Variants in SLIT3 observed in about 807,000 individuals in gnomAD.
SLIT3 encodes slit homolog 3 protein.
Under a neutral mutation model 184.0 loss-of-function variants are expected in SLIT3, and 68 were observed. That is an observed-to-expected ratio of 0.37 (90% confidence interval 0.30 to 0.45). The LOEUF (loss-of-function observed/expected upper bound fraction) is 0.45. SLIT3 is among the 20% of genes least tolerant of loss of function. The pLI is 1.00. For missense variants in SLIT3, 1,707 were observed against 2,026.0 expected, an observed-to-expected ratio of 0.84 and a Z score of 3.02; for synonymous variants, 831 against 828.6, an observed-to-expected ratio of 1.00 and a Z score of -0.05.
intron 4 of SLIT3, among the ~76,000 whole-genome samples, chr5:169,068,918 G>T (rs545637099): frequency 2.6e-4 from 39 of 152,160 alleles, no homozygotes; most frequent in Admixed American, 1.7e-3. Context: ...TGACTTAGTG[G>T]CAATTAAATT....
At chr5:169,068,259 C>T (rs1758424206) in intron 4 of SLIT3, among the ~76,000 whole-genome samples, 1 of 152,112 alleles carries the variant, frequency 6.6e-6, no homozygotes, top group Non-Finnish European at 1.5e-5. Context: ...GTTAATATAA[C>T]ATTTCTTCAC....
intron 16 of SLIT3, 55 bp from the exon 17 acceptor site, chr5:168,754,062 C>G: frequency 2.6e-6 from 4 of 1,509,782 alleles, no homozygotes; most frequent in South Asian, 1.2e-5. Context: ...GGTCTTGATG[C>G]CGGGAGGGGA....
In SLIT3 at chr5:168,663,724, T is replaced by G. The variant is rs1379073745; in HGVS notation, c.*2730A>C. 1 of 152,222 alleles carries G rather than the reference T, an allele frequency of 6.6e-6. No individual in the cohort carries two copies. Among genetic ancestry groups the G allele is most frequent in the Non-Finnish European group, 1.5e-5 (1 of 68,076 alleles). 9.4% of individuals were successfully genotyped at this position (152,222 alleles called of 1,614,324 possible). On this transcript the variant is annotated 3_prime_UTR_variant, in exon 36 of 36. Coordinates refer to ENST00000519560, the MANE Select transcript of SLIT3 (RefSeq NM_003062.4). ...CAAGCCAGGCCTGGCCATATCTCAT[T>G]GCTTTTTAAAAGGCCACTCCCAGGA... is the stretch of plus-strand genomic sequence containing the variant.
intron 4 of SLIT3, among the ~76,000 whole-genome samples, chr5:168,984,165 A>G (rs1581268113): frequency 6.6e-6 from 1 of 152,326 alleles, no homozygotes; most frequent in East Asian, 1.9e-4. Flanking sequence ...GAAACTGAGT[A>G]CCATAAAATT....
intron 20 of SLIT3, among the ~76,000 whole-genome samples, chr5:168,744,705 C>G (rs865825298): frequency 2.6e-4 from 39 of 152,300 alleles, no homozygotes; most frequent in African/African-American, 9.1e-4. Context: ...CTGTTTATGG[C>G]ATATTTTGCT....
intron 6 of SLIT3, among the ~76,000 whole-genome samples, chr5:168,824,928 C>T (rs2113673115): frequency 6.6e-6 from 1 of 152,368 alleles, no homozygotes. Flanking sequence ...ATGCCCTCTA[C>T]ATCATACGTC....
chr5:168,713,436 C>A (rs1165800325), intron 23 of SLIT3, among the ~76,000 whole-genome samples: 1 of 152,246 alleles, frequency 6.6e-6, no homozygotes, highest in Non-Finnish European at 1.5e-5. Context: ...GGATTATATT[C>A]TCCATTAAAG....
At chr5:168,859,149 C>T (rs1252117878) in intron 5 of SLIT3, among the ~76,000 whole-genome samples, 1 of 152,174 alleles carries the variant, frequency 6.6e-6, no homozygotes, top group African/African-American at 2.4e-5. Context: ...TTCCTTGGGT[C>T]AGCACTGCGG....
At chr5:168,942,985 A>G (rs1762373365) in intron 4 of SLIT3, among the ~76,000 whole-genome samples, 1 of 152,230 alleles carries the variant, frequency 6.6e-6, no homozygotes, top group South Asian at 2.1e-4. Flanking sequence ...TTTAGAGCTC[A>G]GATTTATCAG....
intron 4 of SLIT3, among the ~76,000 whole-genome samples, chr5:169,183,133 T>A (rs2113446953): frequency 6.6e-6 from 1 of 152,242 alleles, no homozygotes; most frequent in East Asian, 1.9e-4. Flanking sequence ...CACATTGGAG[T>A]GACACACACA....
Position 168,708,069 on chromosome 5 carries a change from G to A in SLIT3, c.2751C>T (p.Cys917=). 1 of 1,614,200 alleles carries A rather than the reference G, an allele frequency of 6.2e-7. No individual in the cohort carries two copies. The highest frequency in any genetic ancestry group is 8.5e-7 in the Non-Finnish European group (1 of 1,180,030). ...GPVDINIVAK[C]NACLSSPCKN... ...TGCACGGGCTGGAGAGGCAGGCATT[G>A]CATTTGGCCACAATGTTGATGTCCA... The change falls in exon 26 of 36, where the codon TGC becomes TGT. Residue 917 remains cysteine (C), a synonymous_variant. Coordinates refer to ENST00000519560, the MANE Select transcript of SLIT3 (RefSeq NM_003062.4).
intron 4 of SLIT3, among the ~76,000 whole-genome samples, chr5:169,178,261 G>A (rs1315270172): frequency 5.3e-5 from 8 of 152,196 alleles, no homozygotes; most frequent in African/African-American, 1.9e-4. Flanking sequence ...TCACGGCTAA[G>A]GTAAGCAGGT....
intron 3 of SLIT3, among the ~76,000 whole-genome samples, chr5:169,195,188 C>T (rs1298911113): frequency 2.0e-5 from 3 of 152,118 alleles, no homozygotes; most frequent in Middle Eastern, 3.2e-3. Flanking sequence ...AAAGCCCTGG[C>T]CCCCTTCCCC....
intron 4 of SLIT3, among the ~76,000 whole-genome samples, chr5:169,040,242 CA>C (rs1757403702): frequency 6.6e-6 from 1 of 152,160 alleles, no homozygotes; most frequent in African/African-American, 2.4e-5. Flanking sequence ...CATGTTTACA[CA>C]ACTTTAATAC....
chr5:169,227,841 G>A (rs916052615), intron 3 of SLIT3, among the ~76,000 whole-genome samples: 7 of 152,232 alleles, frequency 4.6e-5, no homozygotes, highest in African/African-American at 1.7e-4. Flanking sequence ...CTGCACAGCT[G>A]GCAGAGGAGG....
chr5:169,126,828 T>A (rs1481815651), intron 4 of SLIT3, among the ~76,000 whole-genome samples: 1 of 152,182 alleles, frequency 6.6e-6, no homozygotes, highest in Non-Finnish European at 1.5e-5. Context: ...CAGATGGGGA[T>A]CACTTCAAAC....
chr5:168,802,879 G>A (rs1756818335), intron 9 of SLIT3, among the ~76,000 whole-genome samples: 1 of 152,232 alleles, frequency 6.6e-6, no homozygotes, highest in Non-Finnish European at 1.5e-5. Context: ...AACCAGTAAG[G>A]AGGTGCCATT....
intron 23 of SLIT3, among the ~76,000 whole-genome samples, chr5:168,716,071 G>A (rs1429309546): frequency 4.6e-5 from 7 of 152,174 alleles, no homozygotes; most frequent in African/African-American, 1.7e-4. Context: ...GGGTTCAAGC[G>A]ATTCTCCTGC....
chr5:168,747,488 G>A (rs1327384803), intron 20 of SLIT3, among the ~76,000 whole-genome samples: 1 of 152,062 alleles, frequency 6.6e-6, no homozygotes, highest in African/African-American at 2.4e-5. Flanking sequence ...GGATGCGAGT[G>A]TGCACATGGT....
Sources: gnomAD v4.1 joint callset for allele counts (sites outside exome capture counted in the v4.1 genomes callset) on GRCh38, gnomAD v4.1.1 for gene constraint, MANE v1.5 for transcripts, NCBI Gene and HGNC (gene_info 2026-07-23, HGNC 2026-07-21) for gene names.